The following CUL2 variants were observed in gnomAD, a reference collection of about 807,000 sequenced individuals.
CUL2 encodes the protein cullin 2.
Under a neutral mutation model 110.2 loss-of-function variants are expected in CUL2, and 22 were observed. The observed-to-expected ratio is 0.20, with a 90% CI of 0.14 to 0.28. The LOEUF (loss-of-function observed/expected upper bound fraction) is 0.28. Ranked by LOEUF, CUL2 falls within the 10% of genes least tolerant of loss-of-function variation. The pLI is 1.00. For missense variants in CUL2, 631 were observed against 905.5 expected (o/e 0.70, Z 3.89); for synonymous variants, 279 against 293.2 (o/e 0.95, Z 0.49).
intron 1 of CUL2, among the ~76,000 whole-genome samples, chr10:35,111,598 G>C (rs1022461097): frequency 2.6e-5 from 4 of 152,128 alleles, no homozygotes; most frequent in Non-Finnish European, 5.9e-5. Flanking sequence ...AAACATATTA[G>C]ACATTCAGGC....
At chr10:35,073,078 C>A (rs975194518) in intron 1 of CUL2, among the ~76,000 whole-genome samples, 2 of 152,020 alleles carry the variant, frequency 1.3e-5, no homozygotes, top group Non-Finnish European at 2.9e-5. Flanking sequence ...CTCAAGGAAT[C>A]CCAGGAATAG....
intron 1 of CUL2, among the ~76,000 whole-genome samples, chr10:35,121,551 TGA>T (rs1306795747): frequency 6.6e-6 from 1 of 152,236 alleles, no homozygotes; most frequent in African/African-American, 2.4e-5. Context: ...AAAACTAGGC[TGA>T]GAGAGGCGCT....
At chr10:35,075,977 C>T (rs139247140) in intron 1 of CUL2, among the ~76,000 whole-genome samples, 1,113 of 152,214 alleles carry the variant, frequency 7.3e-3, no homozygotes, top group Non-Finnish European at 0.012. Context: ...AAAACTGGTA[C>T]ACAAATGTTC....
At chr10:35,069,644 A>G (rs1490349346) in intron 2 of CUL2, among the ~76,000 whole-genome samples, 1 of 152,192 alleles carries the variant, frequency 6.6e-6, no homozygotes, top group African/African-American at 2.4e-5. Flanking sequence ...GTCACTTTCC[A>G]GGGAAGTAAT....
At chr10:35,106,481 G>A (rs566689263) in intron 1 of CUL2, among the ~76,000 whole-genome samples, 20 of 147,984 alleles carry the variant, frequency 1.4e-4, no homozygotes, top group Non-Finnish European at 2.4e-4. Context: ...CACCACGCCC[G>A]GCTAATTTTT....
chr10:35,036,457 G>T (rs528780841), intron 9 of CUL2, among the ~76,000 whole-genome samples: 1 of 151,946 alleles, frequency 6.6e-6, no homozygotes, highest in Non-Finnish European at 1.5e-5. Flanking sequence ...TAAAGCTGGG[G>T]GGTGGTTATA....
intron 1 of CUL2, among the ~76,000 whole-genome samples, chr10:35,085,904 T>C (rs1209061529): frequency 1.3e-5 from 2 of 152,150 alleles, no homozygotes; most frequent in Non-Finnish European, 2.9e-5. Flanking sequence ...TTGGGTACTA[T>C]GTTCAGCACC....
At chr10:35,109,937 G>T (rs775887407) in intron 1 of CUL2, among the ~76,000 whole-genome samples, 1 of 152,172 alleles carries the variant, frequency 6.6e-6, no homozygotes, top group Non-Finnish European at 1.5e-5. Flanking sequence ...ACTTTGGAAG[G>T]CTGAGGCAGG....
intron 17 of CUL2, among the ~76,000 whole-genome samples, chr10:35,023,959 C>T (rs1302563572): frequency 1.3e-5 from 2 of 152,080 alleles, no homozygotes; most frequent in African/African-American, 4.8e-5. Flanking sequence ...CTCAGCCTCT[C>T]GAGTAGCTGG....
At chr10:35,016,073 G>A in intron 18 of CUL2, 119 bp downstream of exon 18, 1 of 793,836 alleles carries the variant, frequency 1.3e-6, no homozygotes, top group Non-Finnish European at 2.0e-6. Flanking sequence ...GTAACGTAGT[G>A]AATACAAGTG....
At chr10:35,096,614 A>C (rs2087303828) in intron 2 of CUL2, among the ~76,000 whole-genome samples, 1 of 152,160 alleles carries the variant, frequency 6.6e-6, no homozygotes, top group South Asian at 2.1e-4. Context: ...CCCTATCTTT[A>C]AACAAACAAA....
In CUL2 at chr10:35,120,876, A is replaced by G. The variant is rs139879752; in HGVS notation, c.-51+5729T>C. On this transcript the variant is annotated intron_variant, in intron 1 of 5. Transcript: ENST00000685421. The stretch of plus-strand genomic sequence containing the variant: ...ATGCCACTGCAATCCAGCCTGGGCC[A>G]TAGAGTAAGAGATCCTGTCTCAAAA... 1.5e-3 allele frequency among the ~76,000 whole-genome samples: 227 copies of G among 152,286 alleles called. 2 individuals are homozygous for G. Among genetic ancestry groups the G allele is most frequent in the African/African-American group, 5.1e-3 (213 of 41,534 alleles).
At chr10:35,106,669 T>G (rs1478906952) in intron 1 of CUL2, among the ~76,000 whole-genome samples, 1 of 152,012 alleles carries the variant, frequency 6.6e-6, no homozygotes, top group Non-Finnish European at 1.5e-5. Context: ...GTCTATGGCA[T>G]TTTGTTATGG....
rs1377561946 is a variant in CUL2, at chr10:35,031,249, G to A, written c.1386+51C>T. 1 of 1,145,818 alleles carries A rather than the reference G, an allele frequency of 8.7e-7. No individual in the cohort carries two copies. The highest frequency in any genetic ancestry group is 1.6e-5 in the African/African-American group (1 of 64,322). 71.0% of individuals were successfully genotyped at this position (1,145,818 alleles called of 1,614,324 possible). A position where few individuals can be genotyped will look rare whatever the true frequency, so the allele number is the denominator to read the frequency against. Reference sequence around the variant, plus strand: ...ACAATGCTGCAATGAACATCTTTATGTGCTTGTGAATGAATTTCTAGGACA... The same window carrying A: ...ACAATGCTGCAATGAACATCTTTATATGCTTGTGAATGAATTTCTAGGACA... On this transcript the variant is annotated intron_variant, in intron 14 of 20. Coordinates refer to ENST00000374749, the MANE Select transcript of CUL2 (RefSeq NM_003591.4). This position sits in a 1 kb window ranked among gnomAD's most constrained non-coding sequence, Gnocchi z 4.4.
chr10:35,081,197 G>A (rs763740284), intron 1 of CUL2, among the ~76,000 whole-genome samples: 4 of 152,112 alleles, frequency 2.6e-5, no homozygotes, highest in Non-Finnish European at 5.9e-5. Flanking sequence ...CCACACTCCA[G>A]CCTGGGCCAA....
chr10:35,031,738 T>C lies in CUL2; in HGVS notation c.1171-119A>G. On this transcript the variant is annotated intron_variant, in intron 12 of 20. Transcript: ENST00000374749. This position sits in a 1 kb window ranked among gnomAD's most constrained non-coding sequence, Gnocchi z 4.4. ...CGGACAGAATTTTTGCTGTTTTTTTTAGAGACCGGGTCTTGCTCTGTTGCC... is the reference window on the plus strand; with the variant it reads ...CGGACAGAATTTTTGCTGTTTTTTTCAGAGACCGGGTCTTGCTCTGTTGCC... 1.9e-6 allele frequency: 2 copies of C among 1,043,540 alleles called. No homozygotes were observed. The highest frequency in any genetic ancestry group is 2.8e-6 in the Non-Finnish European group (2 of 711,208). The allele number at this position is 1,043,540 out of a possible 1,614,324, so 64.6% of individuals were successfully genotyped here. A position where few individuals can be genotyped will look rare whatever the true frequency, so the allele number is the denominator to read the frequency against.
At chr10:35,122,390 C>T (rs904024926) in intron 1 of CUL2, among the ~76,000 whole-genome samples, 23 of 152,154 alleles carry the variant, frequency 1.5e-4, no homozygotes, top group Non-Finnish European at 3.1e-4. Flanking sequence ...AGCCAAAGGA[C>T]GTTTTGAAAC....
chr10:35,018,839 T>C (rs950389378), intron 17 of CUL2, among the ~76,000 whole-genome samples: 9 of 151,956 alleles, frequency 5.9e-5, no homozygotes, highest in African/African-American at 1.9e-4. Context: ...TGCAATATTA[T>C]CTTGATTATT....
chr10:35,109,937 G>A (rs775887407), intron 1 of CUL2, among the ~76,000 whole-genome samples: 1 of 152,172 alleles, frequency 6.6e-6, no homozygotes, highest in Non-Finnish European at 1.5e-5. Context: ...ACTTTGGAAG[G>A]CTGAGGCAGG....
Sources: allele counts gnomAD v4.1 joint callset (sites outside exome capture counted in the v4.1 genomes callset), GRCh38; gene constraint gnomAD v4.1.1; non-coding constraint Gnocchi (gnomAD v3.1); transcripts MANE v1.5; gene names NCBI Gene and HGNC (gene_info 2026-07-23, HGNC 2026-07-21).